Variants in PTPRC observed in about 807,000 individuals in gnomAD.
PTPRC encodes the protein protein tyrosine phosphatase receptor type C, also known as receptor-type tyrosine-protein phosphatase C.
A neutral mutation model predicts 155.9 loss-of-function variants in PTPRC; 44 were observed. The observed-to-expected ratio is 0.28, with a 90% CI of 0.22 to 0.36. The LOEUF (loss-of-function observed/expected upper bound fraction) is 0.36, where lower values mean the gene tolerates loss of function less well. Ranked by LOEUF, PTPRC falls within the 10% of genes least tolerant of loss-of-function variation. The probability of loss-of-function intolerance (pLI) is 1.00; values close to 1 mark genes in which losing one functional copy is unlikely to be tolerated. For missense variants in PTPRC, 1,401 were observed against 1,564.6 expected (o/e 0.90, Z 1.76); for synonymous variants, 525 against 533.1 (o/e 0.98, Z 0.21).
Position 198,702,472 on chromosome 1 carries a change from C to A in PTPRC, c.525C>A (p.His175Gln). The A allele has an allele frequency of 6.2e-7, 1 of 1,614,216 alleles. No individual in the cohort carries two copies. The highest frequency in any genetic ancestry group is 8.5e-7 in the Non-Finnish European group (1 of 1,180,034). ...CAACCACCCTCAGCCTTGCACACCA[C>A]AGCTCTGCTGCCTTACCTGCACGCA... ...PLTTTLSLAH[H>Q]SSAALPARTS... is the part of the protein sequence containing the mutation. The change falls in exon 6 of 33, where the codon CAC becomes CAA. Residue 175 changes from histidine to glutamine, a missense_variant. Physicochemically the swap from His to Gln is conservative, Grantham distance 24. This residue lies in a region of PTPRC where 867 missense variants were observed against 970.4 expected (regional missense o/e 0.89). Coordinates refer to ENST00000442510, the MANE Select transcript of PTPRC (RefSeq NM_002838.5).
Position 198,712,974 on chromosome 1 carries a change from T to C in PTPRC, c.1193T>C (p.Ile398Thr), listed in dbSNP as rs145357582. ...ACAGGTCCAGGAGAGCCTCAGATTATTTTTTGTAGAAGTGAAGCTGCACAT... is the reference window on the plus strand; with the variant it reads ...ACAGGTCCAGGAGAGCCTCAGATTACTTTTTGTAGAAGTGAAGCTGCACAT... ...DFGSPGEPQI[I>T]FCRSEAAHQG... The change falls in exon 12 of 33, where the codon ATT (isoleucine) becomes ACT (threonine). Residue 398 changes from isoleucine to threonine, a missense_variant. Coordinates refer to ENST00000442510, the MANE Select transcript of PTPRC (RefSeq NM_002838.5). 136 of 1,613,450 alleles carry C rather than the reference T, an allele frequency of 8.4e-5. 1 individual carries two copies. In the African/African-American group the frequency reaches 1.6e-3, roughly 19 times the overall value.
chr1:198,704,736 G>C (rs1284257993), intron 8 of PTPRC, among the ~76,000 whole-genome samples: 2 of 152,156 alleles, frequency 1.3e-5, no homozygotes, highest in Non-Finnish European at 2.9e-5. Context: ...CAAGGGTTGG[G>C]AAACTACCTA....
At chr1:198,705,452 A>T (rs1424221522) in intron 8 of PTPRC, among the ~76,000 whole-genome samples, 62 of 103,640 alleles carry the variant, frequency 6.0e-4, no homozygotes, top group Admixed American at 9.7e-4. Context: ...TTTTTTTCTC[A>T]CTCTGTTGCC....
chr1:198,755,870 T>G, intron 32 of PTPRC, 36 bp from the exon 33 acceptor site: 1 of 1,569,450 alleles, frequency 6.4e-7, no homozygotes, highest in Non-Finnish European at 8.8e-7. Flanking sequence ...GACATCAACT[T>G]TCTTCATGTA....
intron 2 of PTPRC, among the ~76,000 whole-genome samples, chr1:198,659,933 C>T (rs1663847740): frequency 1.3e-5 from 2 of 150,220 alleles, no homozygotes; most frequent in African/African-American, 4.9e-5. Flanking sequence ...TGCATATCAT[C>T]ATACAGAAAT....
intron 2 of PTPRC, among the ~76,000 whole-genome samples, chr1:198,656,485 G>T (rs2148314): frequency 0.39 from 59,426 of 151,594 alleles, 12,088 homozygotes; most frequent in East Asian, 0.68. Flanking sequence ...CCCTACTCAA[G>T]TTTTTGCCCA....
chr1:198,681,920 GGT>G (rs1665356997), intron 2 of PTPRC, among the ~76,000 whole-genome samples: 1 of 152,160 alleles, frequency 6.6e-6, no homozygotes, highest in African/African-American at 2.4e-5. Context: ...GAGAAGTTGT[GGT>G]TTTAACCCCG....
At chr1:198,681,457 T>C (rs975305033) in intron 2 of PTPRC, among the ~76,000 whole-genome samples, 4 of 152,220 alleles carry the variant, frequency 2.6e-5, no homozygotes, top group African/African-American at 9.6e-5. Flanking sequence ...GGGTGCAATG[T>C]GATGTTTCCT....
intron 6 of PTPRC, 112 bp downstream of exon 6, chr1:198,702,642 T>C: frequency 6.9e-7 from 1 of 1,452,486 alleles, no homozygotes; most frequent in Non-Finnish European, 9.6e-7. Context: ...AGGTTTCCCA[T>C]TTTACAAATG....
chr1:198,704,469 C>T lies in PTPRC; in HGVS notation c.659-3C>T, dbSNP rs1402688012. On this transcript the variant is annotated splice_polypyrimidine_tract_variant and splice_region_variant and intron_variant, in intron 7 of 32. Transcript: ENST00000442510. ...TAATTTACATTTTTTTTCTCCATTA[C>T]AGCTACTACTCCATCTAAGCCAACA... 1.9e-6 allele frequency: 3 copies of T among 1,613,932 alleles called. No individual in the cohort carries two copies. Among genetic ancestry groups the T allele is most frequent in the Non-Finnish European group, 2.5e-6 (3 of 1,179,930 alleles).
intron 11 of PTPRC, 90 bp from the exon 12 acceptor site, chr1:198,712,863 T>C: frequency 7.6e-7 from 1 of 1,318,604 alleles, no homozygotes; most frequent in East Asian, 2.3e-5. Context: ...TGTCAAAATA[T>C]GGTTATCAAT....
At chr1:198,731,496 T>G (rs1415851495) in intron 17 of PTPRC, 121 bp from the exon 18 acceptor site, 1 of 737,940 alleles carries the variant, frequency 1.4e-6, no homozygotes, top group Non-Finnish European at 2.4e-6. Flanking sequence ...ATTTCTCAGA[T>G]GAAATGTGTA....
intron 32 of PTPRC, 62 bp from the exon 33 acceptor site, chr1:198,755,844 C>T: frequency 6.7e-7 from 1 of 1,493,138 alleles, no homozygotes; most frequent in South Asian, 1.1e-5. Flanking sequence ...TAATCTTCAT[C>T]TGGCATAAAA....
chr1:198,659,354 A>G (rs10801677), intron 2 of PTPRC, among the ~76,000 whole-genome samples: 12,154 of 152,122 alleles, frequency 0.08, 735 homozygotes, highest in African/African-American at 0.16. Flanking sequence ...ATGCCAAGGA[A>G]CAGAAGACAA....
chr1:198,682,522 C>CA (rs1433219260), intron 2 of PTPRC, among the ~76,000 whole-genome samples: 1 of 152,094 alleles, frequency 6.6e-6, no homozygotes, highest in East Asian at 1.9e-4. Flanking sequence ...AAACACGTTT[C>CA]TACATAACTA....
intron 2 of PTPRC, among the ~76,000 whole-genome samples, chr1:198,691,324 C>G (rs772720151): frequency 6.6e-6 from 1 of 152,072 alleles, no homozygotes; most frequent in Non-Finnish European, 1.5e-5. Flanking sequence ...TTATTACTCT[C>G]AAGTTCAGTG....
intron 4 of PTPRC, among the ~76,000 whole-genome samples, chr1:198,697,974 T>C (rs1359556046): frequency 3.3e-5 from 5 of 152,198 alleles, no homozygotes; most frequent in Admixed American, 2.0e-4. Context: ...AGGACCTGTC[T>C]AAACACTGTA....
chr1:198,679,357 C>G (rs535078306), intron 2 of PTPRC: 100 of 152,794 alleles, frequency 6.5e-4, no homozygotes, highest in Non-Finnish European at 1.3e-3. Context: ...TTCAGCCTCC[C>G]GAGTAGCTGG....
chr1:198,749,950 G>C (rs1655303927), intron 28 of PTPRC, among the ~76,000 whole-genome samples: 1 of 151,758 alleles, frequency 6.6e-6, no homozygotes, highest in African/African-American at 2.4e-5. Context: ...GAATTATTAG[G>C]TGAGTCTGTG....
Sources: gnomAD v4.1 joint callset for allele counts (sites outside exome capture counted in the v4.1 genomes callset) on GRCh38, gnomAD v4.1.1 for gene constraint, gnomAD v4.1.1 regional missense constraint, MANE v1.5 for transcripts, NCBI Gene and HGNC (gene_info 2026-07-23, HGNC 2026-07-21) for gene names.